The following NKAIN3 variants were observed in gnomAD, a reference collection of about 807,000 sequenced individuals.
The protein encoded by NKAIN3 is sodium/potassium transporting ATPase interacting 3, also known as sodium/potassium-transporting ATPase subunit beta-1-interacting protein 3.
A neutral mutation model predicts 30.2 loss-of-function variants in NKAIN3; 25 were observed. That is an observed-to-expected ratio of 0.83 (90% CI 0.60 to 1.16). The LOEUF (loss-of-function observed/expected upper bound fraction) is 1.16, where lower values mean the gene tolerates loss of function less well. Among genes scored for constraint, NKAIN3 ranks in the 50% most tolerant of loss-of-function variants. The probability of loss-of-function intolerance (pLI) is 0.00; values close to 1 mark genes in which losing one functional copy is unlikely to be tolerated. For synonymous variants in NKAIN3, 91 were observed against 89.6 expected, an observed-to-expected ratio of 1.02 and a Z score of -0.09; for missense variants, 225 against 254.1, an observed-to-expected ratio of 0.89 and a Z score of 0.78.
chr8:62,781,457 C>T (rs1817352248), intron 4 of NKAIN3, among the ~76,000 whole-genome samples: 1 of 151,440 alleles, frequency 6.6e-6, no homozygotes, highest in Admixed American at 6.6e-5. Flanking sequence ...AAAAATGAGC[C>T]AGAATATTCA....
chr8:62,375,205 C>G (rs1223517534), intron 1 of NKAIN3, among the ~76,000 whole-genome samples: 1 of 152,216 alleles, frequency 6.6e-6, no homozygotes, highest in Non-Finnish European at 1.5e-5. Context: ...AGATTTAAAT[C>G]TGTCACCTAT....
rs1823712168 is a variant in NKAIN3, at chr8:62,966,316, G to A, written c.*909G>A. The A allele has an allele frequency of 1.0e-6, 1 of 983,806 alleles. No homozygotes were observed. The highest frequency in any genetic ancestry group is 6.1e-5 in the Admixed American group (1 of 16,278). 60.9% of individuals were successfully genotyped at this position (983,806 alleles called of 1,614,324 possible). A position where few individuals can be genotyped will look rare whatever the true frequency, so the allele number is the denominator to read the frequency against. On this transcript the variant is annotated 3_prime_UTR_variant, in exon 7 of 7. Coordinates refer to ENST00000623646, the MANE Select transcript of NKAIN3 (RefSeq NM_001304533.3). ...TTCTAAAGGAGACATTCACGTGTGA[G>A]CAACATCAGCTTTTCTTTCTCCTAC...
intron 4 of NKAIN3, among the ~76,000 whole-genome samples, chr8:62,838,129 C>CTGTGTGTG (rs4031520): frequency 6.1e-4 from 90 of 147,724 alleles, no homozygotes; most frequent in Middle Eastern, 3.6e-3. Context: ...CAATACCGCT[C>CTGTGTGTG]TGTGTGTGTG....
chr8:62,713,701 C>T (rs1259235850), intron 3 of NKAIN3, among the ~76,000 whole-genome samples: 3 of 152,054 alleles, frequency 2.0e-5, no homozygotes, highest in Non-Finnish European at 2.9e-5. Context: ...AAATCAAGAA[C>T]AGATTGAAGT....
At position 62,298,250 on chromosome 8, in the gene NKAIN3, C is replaced by G. The variant is rs552840311; in HGVS notation, c.54+49123C>G. Among the ~76,000 whole-genome samples, 499 of 152,120 alleles carry G rather than the reference C, an allele frequency of 3.3e-3. 1 individual carries two copies. Among genetic ancestry groups the G allele is most frequent in the African/African-American group, 0.011 (471 of 41,512 alleles). On this transcript the variant is annotated intron_variant, in intron 1 of 6. Coordinates refer to ENST00000623646, the MANE Select transcript of NKAIN3 (RefSeq NM_001304533.3). ...TGACGAGTTAATGGGTGCAGCACAC[C>G]AGCATCGCACATGTATACATATGTA...
chr8:62,802,391 G>A (rs564386470), intron 4 of NKAIN3, among the ~76,000 whole-genome samples: 171 of 152,282 alleles, frequency 1.1e-3, no homozygotes, highest in African/African-American at 4.0e-3. Context: ...TACCCACAAA[G>A]GGAAGCCCGT....
chr8:62,853,666 A>G (rs1198246593), intron 4 of NKAIN3, among the ~76,000 whole-genome samples: 3 of 151,926 alleles, frequency 2.0e-5, no homozygotes, highest in Non-Finnish European at 4.4e-5. Context: ...CAGCTCCTGG[A>G]TTTGTTGATT....
At chr8:62,939,881 A>G (rs773275718) in intron 5 of NKAIN3, among the ~76,000 whole-genome samples, 3 of 152,186 alleles carry the variant, frequency 2.0e-5, no homozygotes, top group Non-Finnish European at 4.4e-5. Context: ...AACAACTAGC[A>G]TGATGAATAG....
chr8:62,915,936 A>C (rs1404473828), intron 4 of NKAIN3, among the ~76,000 whole-genome samples: 2 of 152,258 alleles, frequency 1.3e-5, no homozygotes, highest in Non-Finnish European at 1.5e-5. Context: ...TAAATGGCTA[A>C]TAAAATATGA....
At chr8:62,345,331 A>G (rs1585704539) in intron 1 of NKAIN3, among the ~76,000 whole-genome samples, 1 of 11,094 alleles carries the variant, frequency 9.0e-5, no homozygotes, top group African/African-American at 1.4e-4. Flanking sequence ...ATATACACAT[A>G]TATGTATATA....
chr8:62,499,932 AT>A (rs1807371933), intron 1 of NKAIN3, among the ~76,000 whole-genome samples: 2 of 149,198 alleles, frequency 1.3e-5, no homozygotes, highest in African/African-American at 5.0e-5. Context: ...TCTTTTTATT[AT>A]GTCTGGTCAT....
chr8:62,505,527 A>G (rs768117380), intron 1 of NKAIN3, among the ~76,000 whole-genome samples: 2 of 152,164 alleles, frequency 1.3e-5, no homozygotes, highest in African/African-American at 2.4e-5. Context: ...ATGGTTTTAT[A>G]TGACTGTTAA....
At chr8:62,964,086 T>G (rs1823640394) in intron 6 of NKAIN3, among the ~76,000 whole-genome samples, 2 of 152,138 alleles carry the variant, frequency 1.3e-5, no homozygotes, top group Non-Finnish European at 2.9e-5. Flanking sequence ...CTTGCATGCC[T>G]GGGTAAAGTA....
At chr8:62,867,592 A>C (rs1052319286) in intron 4 of NKAIN3, among the ~76,000 whole-genome samples, 2 of 152,208 alleles carry the variant, frequency 1.3e-5, no homozygotes, top group African/African-American at 4.8e-5. Flanking sequence ...GCCTCCACTC[A>C]TCCATGACTG....
chr8:62,794,488 C>T (rs1264133859), intron 4 of NKAIN3, among the ~76,000 whole-genome samples: 1 of 152,018 alleles, frequency 6.6e-6, no homozygotes. Flanking sequence ...AAAATCTATA[C>T]CCACCCCCCC....
intron 4 of NKAIN3, among the ~76,000 whole-genome samples, chr8:62,796,211 C>A (rs760110226): frequency 2.6e-5 from 4 of 151,434 alleles, no homozygotes; most frequent in Admixed American, 1.3e-4. Context: ...GAATGAAACC[C>A]CATCTCTACT....
chr8:62,729,158 A>G (rs1262804212), intron 3 of NKAIN3, among the ~76,000 whole-genome samples: 1 of 151,958 alleles, frequency 6.6e-6, no homozygotes, highest in African/African-American at 2.4e-5. Context: ...TCCAACATAC[A>G]CAATGTACTC....
intron 2 of NKAIN3, among the ~76,000 whole-genome samples, chr8:62,582,817 C>G (rs1451700369): frequency 7.9e-6 from 1 of 126,744 alleles, no homozygotes; most frequent in African/African-American, 2.7e-5. Context: ...GAGTAAATGG[C>G]AGTGAAGAGG....
chr8:62,499,805 GGTTTGTTT>G (rs3059049), intron 1 of NKAIN3, among the ~76,000 whole-genome samples: 4 of 151,070 alleles, frequency 2.6e-5, no homozygotes, highest in African/African-American at 9.7e-5. Flanking sequence ...GCTGTGATCA[GGTTTGTTT>G]GTTTGTTTCT....
Sources: allele counts gnomAD v4.1 joint callset (sites outside exome capture counted in the v4.1 genomes callset), GRCh38; gene constraint gnomAD v4.1.1; transcripts MANE v1.5; gene names NCBI Gene and HGNC (gene_info 2026-07-23, HGNC 2026-07-21).